LYPLAL1: variants seen among roughly 807,000 people sequenced by gnomAD.
LYPLAL1 encodes the protein lysophospholipase-like protein 1.
A neutral mutation model predicts 19.7 loss-of-function variants in LYPLAL1; 23 were observed. The ratio of observed to expected loss-of-function variants is 1.17; its 90% CI spans 0.84 to 1.65. The LOEUF (loss-of-function observed/expected upper bound fraction) is 1.65, where lower values mean the gene tolerates loss of function less well. Ranked by LOEUF, LYPLAL1 falls within the 40% of genes most tolerant of loss-of-function variation. LYPLAL1 has a pLI of 0.00. For synonymous variants in LYPLAL1, 119 were observed against 96.3 expected (o/e 1.24, Z -1.38); for missense variants, 355 against 279.4 (o/e 1.27, Z -1.93).
At chr1:219,332,807 A>G in the LYPLAL1 span, among the ~76,000 whole-genome samples, 1 of 134,666 alleles carries the variant, frequency 7.4e-6, no homozygotes, top group Non-Finnish European at 1.5e-5. Flanking sequence ...AAATTAATGT[A>G]TTAGCTGATT....
chr1:219,236,474 G>C, the LYPLAL1 span, among the ~76,000 whole-genome samples: 2 of 152,088 alleles, frequency 1.3e-5, no homozygotes, highest in Non-Finnish European at 2.9e-5. Flanking sequence ...TCATATATTC[G>C]TTTTTACTTT....
At chr1:219,316,868 A>T in the LYPLAL1 span, among the ~76,000 whole-genome samples, 2 of 152,114 alleles carry the variant, frequency 1.3e-5, no homozygotes, top group African/African-American at 4.8e-5. Context: ...CAGGAAGTAA[A>T]TGGTGATCAT....
the LYPLAL1 span, among the ~76,000 whole-genome samples, chr1:219,231,813 G>A: frequency 1.6e-4 from 25 of 152,206 alleles, no homozygotes; most frequent in Admixed American, 4.6e-4. Flanking sequence ...AATATCTATA[G>A]ACAACTCTAT....
chr1:219,249,810 C>T, the LYPLAL1 span, among the ~76,000 whole-genome samples: 1 of 151,878 alleles, frequency 6.6e-6, no homozygotes, highest in Non-Finnish European at 1.5e-5. Flanking sequence ...CACTTATTTG[C>T]GTGTTGATAG....
the LYPLAL1 span, among the ~76,000 whole-genome samples, chr1:219,252,035 T>C: frequency 6.6e-6 from 1 of 152,154 alleles, no homozygotes; most frequent in Admixed American, 6.6e-5. Flanking sequence ...ATTTTACTCT[T>C]TTTTGTGGCA....
the LYPLAL1 span, among the ~76,000 whole-genome samples, chr1:219,328,953 A>T: frequency 1.3e-5 from 2 of 152,066 alleles, no homozygotes; most frequent in Non-Finnish European, 2.9e-5. Flanking sequence ...CTAATAATGA[A>T]TTTATTTTAT....
chr1:219,282,366 A>T, the LYPLAL1 span, among the ~76,000 whole-genome samples: 1 of 152,154 alleles, frequency 6.6e-6, no homozygotes, highest in Non-Finnish European at 1.5e-5. Context: ...TGAGCTCTCC[A>T]GCTACTAATT....
the LYPLAL1 span, among the ~76,000 whole-genome samples, chr1:219,410,748 G>A: frequency 0.32 from 48,358 of 152,140 alleles, 8,017 homozygotes; most frequent in East Asian, 0.53. Context: ...ACTCGGAGCA[G>A]CCAGCCAGCC....
At chr1:219,361,935 G>T in the LYPLAL1 span, among the ~76,000 whole-genome samples, 1 of 152,074 alleles carries the variant, frequency 6.6e-6, no homozygotes, top group African/African-American at 2.4e-5. Context: ...AATCTCTCCT[G>T]CATTTGGAAA....
At chr1:219,314,537 C>T in the LYPLAL1 span, among the ~76,000 whole-genome samples, 35 of 152,262 alleles carry the variant, frequency 2.3e-4, no homozygotes, top group South Asian at 1.2e-3. Context: ...CTCCGCCTCC[C>T]GGGTTCAGGC....
the LYPLAL1 span, among the ~76,000 whole-genome samples, chr1:219,245,502 T>A: frequency 6.6e-6 from 1 of 152,212 alleles, no homozygotes; most frequent in Non-Finnish European, 1.5e-5. Flanking sequence ...ATTGGAAGAA[T>A]GAGTTTCAGA....
the LYPLAL1 span, among the ~76,000 whole-genome samples, chr1:219,219,713 TGTG>T: frequency 6.6e-6 from 1 of 151,174 alleles, no homozygotes; most frequent in East Asian, 1.9e-4. Context: ...GGTTCATGTT[TGTG>T]TGTGTGTGTG....
At chr1:219,445,150 G>T in the LYPLAL1 span, among the ~76,000 whole-genome samples, 1 of 150,496 alleles carries the variant, frequency 6.6e-6, no homozygotes, top group African/African-American at 2.4e-5. Context: ...CTTTATTTTT[G>T]ATTGGGAAGA....
the LYPLAL1 span, among the ~76,000 whole-genome samples, chr1:219,279,948 A>G: frequency 1.3e-5 from 2 of 152,226 alleles, no homozygotes; most frequent in Non-Finnish European, 2.9e-5. Flanking sequence ...GGTAGAAGAA[A>G]TTACAAATAG....
the LYPLAL1 span, among the ~76,000 whole-genome samples, chr1:219,288,675 A>G: frequency 7.0e-4 from 106 of 152,330 alleles, no homozygotes; most frequent in African/African-American, 2.5e-3. Context: ...TGATGTGCCA[A>G]TGTCGTTTCA....
chr1:219,295,256 A>G, the LYPLAL1 span, among the ~76,000 whole-genome samples: 2 of 152,098 alleles, frequency 1.3e-5, no homozygotes, highest in African/African-American at 2.4e-5. Flanking sequence ...CTCACATCAC[A>G]ATTGTTCACA....
the LYPLAL1 span, among the ~76,000 whole-genome samples, chr1:219,393,721 T>C: frequency 6.6e-6 from 1 of 151,422 alleles, no homozygotes; most frequent in African/African-American, 2.4e-5. Context: ...TTTCAGTAAT[T>C]TAAAATCATA....
At chr1:219,408,203 G>A in the LYPLAL1 span, among the ~76,000 whole-genome samples, 1 of 152,190 alleles carries the variant, frequency 6.6e-6, no homozygotes, top group African/African-American at 2.4e-5. Context: ...AACTGGCTTT[G>A]AAGGAAAGAA....
At chr1:219,203,572 C>T (rs1252972463) in intron 3 of LYPLAL1, among the ~76,000 whole-genome samples, 1 of 152,132 alleles carries the variant, frequency 6.6e-6, no homozygotes, top group Non-Finnish European at 1.5e-5. Flanking sequence ...TTGGGAACTG[C>T]TTTGTTGAAG....
Sources: allele counts gnomAD v4.1 joint callset (sites outside exome capture counted in the v4.1 genomes callset), GRCh38; gene constraint gnomAD v4.1.1; transcripts MANE v1.5; gene names NCBI Gene and HGNC (gene_info 2026-07-23, HGNC 2026-07-21).